GABRB3: variants seen among roughly 807,000 people sequenced by gnomAD.
The protein encoded by GABRB3 is gamma-aminobutyric acid receptor subunit beta-3.
Under a neutral mutation model 52.1 loss-of-function variants are expected in GABRB3, and 14 were observed. The observed-to-expected ratio is 0.27, with a 90% CI of 0.18 to 0.42. The LOEUF is 0.42. Ranked by LOEUF, GABRB3 falls within the 10% of genes least tolerant of loss-of-function variation. The probability of loss-of-function intolerance (pLI) is 1.00; values close to 1 mark genes in which losing one functional copy is unlikely to be tolerated. For missense variants in GABRB3, 307 were observed against 609.1 expected (o/e 0.50, Z 5.22); for synonymous variants, 260 against 232.3 (o/e 1.12, Z -1.08).
chr15:26,554,176 G>GTATATA (rs71130258), intron 8 of GABRB3, among the ~76,000 whole-genome samples: 7 of 27,342 alleles, frequency 2.6e-4, no homozygotes, highest in South Asian at 1.7e-3. Context: ...TATATATAAA[G>GTATATA]TATATATATA....
chr15:26,682,920 C>T (rs533689801), intron 3 of GABRB3, among the ~76,000 whole-genome samples: 3 of 152,332 alleles, frequency 2.0e-5, no homozygotes, highest in East Asian at 1.9e-4. Context: ...AAGAGCAGCT[C>T]CTCTCACAGT....
chr15:26,713,747 G>A (rs375748965), intron 3 of GABRB3, among the ~76,000 whole-genome samples: 1 of 152,312 alleles, frequency 6.6e-6, no homozygotes, highest in East Asian at 1.9e-4. Flanking sequence ...GGCACTGGTT[G>A]CATGAGCTTA....
chr15:26,583,195 C>CTG (rs1385220120), intron 5 of GABRB3, 137 bp downstream of exon 5: 1 of 713,812 alleles, frequency 1.4e-6, no homozygotes, highest in Non-Finnish European at 2.6e-6. Context: ...CTCTCTCTCT[C>CTG]TGTGTTTCTC....
intron 3 of GABRB3, among the ~76,000 whole-genome samples, chr15:26,654,978 A>G (rs1279545702): frequency 6.6e-6 from 1 of 152,088 alleles, no homozygotes; most frequent in Non-Finnish European, 1.5e-5. Context: ...GACTGTCACC[A>G]TGCCCTGCTT....
At chr15:26,592,247 C>T (rs539800597) in intron 4 of GABRB3, among the ~76,000 whole-genome samples, 28 of 152,260 alleles carry the variant, frequency 1.8e-4, no homozygotes, top group African/African-American at 6.0e-4. Flanking sequence ...GACAATTAGG[C>T]GTAACAAATG....
chr15:26,772,640 T>A, intron 2 of GABRB3, 41 bp downstream of exon 2: 6 of 1,495,050 alleles, frequency 4.0e-6, no homozygotes, highest in Non-Finnish European at 5.4e-6. Context: ...GCCGCCGCCG[T>A]GGGTCGCGCT....
chr15:26,660,029 AGACCAACCC>A (rs1887490785), intron 3 of GABRB3, among the ~76,000 whole-genome samples: 1 of 152,154 alleles, frequency 6.6e-6, no homozygotes, highest in Admixed American at 6.5e-5. Flanking sequence ...CAGGAATTTG[AGACCAACCC>A]GGCCAACACG....
chr15:26,569,853 AC>A (rs1890329857), intron 6 of GABRB3, among the ~76,000 whole-genome samples: 1 of 152,180 alleles, frequency 6.6e-6, no homozygotes, highest in Non-Finnish European at 1.5e-5. Flanking sequence ...CCTTTCAATT[AC>A]TTTTTTAAAA....
chr15:26,624,486 T>C, intron 3 of GABRB3: 1 of 985,482 alleles, frequency 1.0e-6, no homozygotes, highest in South Asian at 4.7e-5. Flanking sequence ...CAGTCAGCCC[T>C]AGGAGCCCGG....
At position 26,560,933 on chromosome 15, in the gene GABRB3, C is replaced by T. The variant is rs778442239; in HGVS notation, c.1079G>A (p.Arg360Gln). The T allele has an allele frequency of 2.2e-5, 35 of 1,613,616 alleles. No homozygotes were observed. The highest frequency in any genetic ancestry group is 6.7e-5 in the East Asian group (3 of 44,882). Residue 360 changes from arginine to glutamine, a missense_variant and splice_region_variant, in exon 8 of 9, where the codon CGG becomes CAG. By Grantham distance (43) the Arg-to-Gln change is conservative. Around this residue, in one of 6 missense-constraint regions of GABRB3, gnomAD observed 115 missense variants for 166.9 expected, o/e 0.69. Coordinates refer to ENST00000311550, the MANE Select transcript of GABRB3 (RefSeq NM_000814.6). The stretch of plus-strand genomic sequence containing the variant: ...GGGTCAAGGTGGTGGAGAGCCTACC[C>T]GGTTGCTTTCGCTCTTTGAACGGTC... ...KNDRSKSESN[R>Q]VDAHGNILLT... is the part of the protein sequence containing the mutation.
chr15:26,590,298 T>G (rs1203771933), intron 4 of GABRB3: 1 of 152,184 alleles, frequency 6.6e-6, no homozygotes, highest in Non-Finnish European at 1.5e-5. Context: ...TCCTTTGGTG[T>G]GACTTCTGGC....
chr15:26,638,871 C>A (rs1336139118), intron 3 of GABRB3, among the ~76,000 whole-genome samples: 4 of 152,070 alleles, frequency 2.6e-5, no homozygotes. Flanking sequence ...GTGTGCTGAG[C>A]CACTGGCAGA....
At chr15:26,716,183 G>A (rs1889460465) in intron 3 of GABRB3, among the ~76,000 whole-genome samples, 1 of 152,166 alleles carries the variant, frequency 6.6e-6, no homozygotes, top group African/African-American at 2.4e-5. Context: ...GGCCCAGAGA[G>A]TACAAACTGC....
chr15:26,721,450 C>A (rs927148776), intron 3 of GABRB3, among the ~76,000 whole-genome samples: 1 of 151,958 alleles, frequency 6.6e-6, no homozygotes, highest in African/African-American at 2.4e-5. Flanking sequence ...CTCTAGGTCA[C>A]CTCCCCAAGC....
chr15:26,772,672 C>G lies in GABRB3; in HGVS notation c.172+9G>C, dbSNP rs1595363826. On this transcript the variant is annotated intron_variant, in intron 2 of 8. Coordinates refer to ENST00000311550, the MANE Select transcript of GABRB3 (RefSeq NM_000814.6). ...CGCTTCCCGCAACGGCCGCGCGCAG[C>G]CCACTTACCCCCGAAGTCGGGTCTT... is the stretch of plus-strand genomic sequence containing the variant. The G allele has an allele frequency of 3.2e-6, 5 of 1,564,352 alleles. No homozygotes were observed. The Admixed American group carries it at 9.0e-5, about 28-fold the overall frequency.
At position 26,621,679 on chromosome 15, in the gene GABRB3, G is replaced by A. The variant is rs1008837137; in HGVS notation, c.241-145C>T. ...ATGCCATTTTTATGCAGAATGGGAA[G>A]CAATGGCTGCTTTCTTGTGAATGCA... On this transcript the variant is annotated intron_variant, in intron 3 of 8. Coordinates refer to ENST00000311550, the MANE Select transcript of GABRB3 (RefSeq NM_000814.6). This position sits in a 1 kb window ranked among gnomAD's most constrained non-coding sequence, Gnocchi z 4.1. 3.0e-6 allele frequency: 2 copies of A among 658,682 alleles called. No individual in the cohort carries two copies. The highest frequency in any genetic ancestry group is 5.3e-6 in the Non-Finnish European group (2 of 376,758). 40.8% of individuals were successfully genotyped at this position (658,682 alleles called of 1,614,324 possible).
At chr15:26,661,527 G>A (rs562212025) in intron 3 of GABRB3, among the ~76,000 whole-genome samples, 3 of 152,280 alleles carry the variant, frequency 2.0e-5, no homozygotes, top group African/African-American at 7.2e-5. Context: ...GTCAGCCAGG[G>A]AACATTTACA....
intron 3 of GABRB3, among the ~76,000 whole-genome samples, chr15:26,712,475 G>C (rs192262554): frequency 1.3e-5 from 2 of 152,062 alleles, no homozygotes; most frequent in African/African-American, 2.4e-5. Context: ...GAGTGGTGAG[G>C]GGGGGTTCAA....
intron 3 of GABRB3, among the ~76,000 whole-genome samples, chr15:26,684,956 G>A (rs572354262): frequency 9.2e-5 from 14 of 152,288 alleles, no homozygotes; most frequent in African/African-American, 2.2e-4. Context: ...AAAATCTGGC[G>A]CCAATAGACT....
Sources: gnomAD v4.1 joint callset for allele counts (sites outside exome capture counted in the v4.1 genomes callset) on GRCh38, gnomAD v4.1.1 for gene constraint, gnomAD v4.1.1 regional missense constraint, Gnocchi (gnomAD v3.1) non-coding constraint, MANE v1.5 for transcripts, NCBI Gene and HGNC (gene_info 2026-07-23, HGNC 2026-07-21) for gene names.